STRADB: variants seen among roughly 807,000 people sequenced by gnomAD.
The protein encoded by STRADB is STE20 related adaptor beta.
STRADB carries 34 observed loss-of-function variants against 52.1 expected under a neutral mutation model. That is an observed-to-expected ratio of 0.65 (90% confidence interval 0.50 to 0.87). STRADB has a LOEUF of 0.87. Ranked by LOEUF, STRADB falls within the 40% of genes least tolerant of loss-of-function variation. The pLI, the probability that STRADB is intolerant of heterozygous loss-of-function variation, is 0.00. For synonymous variants in STRADB, 133 were observed against 174.5 expected, an observed-to-expected ratio of 0.76 and a Z score of 1.87; for missense variants, 340 against 483.9, an observed-to-expected ratio of 0.70 and a Z score of 2.79.
In STRADB at chr2:201,479,644, T is replaced by C. The variant is rs79830362; in HGVS notation, c.1113+113T>C. On this transcript the variant is annotated intron_variant, in intron 11 of 11. Transcript: ENST00000194530. ...TTACCAAGGTTCTTACTAATAACTTTGTTACAAAATAAAGTTAAAAACAAG... is the reference window on the plus strand; with the variant it reads ...TTACCAAGGTTCTTACTAATAACTTCGTTACAAAATAAAGTTAAAAACAAG... 6,938 of 1,053,240 alleles carry C rather than the reference T, an allele frequency of 6.6e-3. 312 individuals carry two copies. The African/African-American group carries it at 0.098, about 15-fold the overall frequency. The allele number at this position is 1,053,240 out of a possible 1,614,324, so 65.2% of individuals were successfully genotyped here.
rs745665190 is a variant in STRADB at position 201,480,127 on chromosome 2, G to C, written c.1209G>C (p.Glu403Asp). The C allele has an allele frequency of 2.5e-5, 41 of 1,613,692 alleles. No individual in the cohort carries two copies. The highest frequency in any genetic ancestry group is 3.4e-5 in the Non-Finnish European group (40 of 1,179,800). ...ISLPPVLPWT[E>D]PECDFPDEKD... ...TGCCTCCAGTGTTACCTTGGACTGA[G>C]CCAGAATGTGATTTTCCTGATGAAA... The change falls in exon 12 of 12, where the codon GAG (glutamate) becomes GAC (aspartate). Residue 403 changes from glutamate to aspartate, a missense_variant. Physicochemically the swap from Glu to Asp is conservative, Grantham distance 45. Transcript: ENST00000194530.
Position 201,474,704 on chromosome 2 carries a change from G to C in STRADB, c.373G>C (p.Val125Leu), listed in dbSNP as rs929889799. 1 of 1,611,824 alleles carries C rather than the reference G, an allele frequency of 6.2e-7. No individual in the cohort carries two copies. Among genetic ancestry groups the C allele is most frequent in the Non-Finnish European group, 8.5e-7 (1 of 1,179,364 alleles). ...RHPNITTYWT[V>L]FTVGSWLWVI... ...TCCCAATATTACAACTTATTGGACA[G>C]TTTTCACTGTTGGCAGCTGGCTTTG... is the stretch of plus-strand genomic sequence containing the variant. Residue 125 changes from valine to leucine, a missense_variant, in exon 6 of 12, where the codon GTT becomes CTT. Transcript: ENST00000194530.
At position 201,479,199 on chromosome 2, in the gene STRADB, C is replaced by T. The variant is rs148143777; in HGVS notation, c.1071-290C>T. On this transcript the variant is annotated intron_variant, in intron 10 of 11. Transcript: ENST00000194530. ...TTCTAGACATTAATTAGCACATTTA[C>T]GTTAAGACTCTAAGTAGTATAAAAT... 1.4e-3 allele frequency: 368 copies of T among 259,940 alleles called. 2 individuals are homozygous for T. The highest frequency in any genetic ancestry group is 7.5e-3 in the African/African-American group (332 of 44,268). The allele number at this position is 259,940 out of a possible 1,614,324, so 16.1% of individuals were successfully genotyped here.
At position 201,472,991 on chromosome 2, in the gene STRADB, C is replaced by T; in HGVS notation, c.230C>T (p.Ala77Val). ...GFDNLTSVHL[A>V]RHTPTGTLVT... is the part of the protein sequence containing the mutation. ...GACAACTTGACTTCTGTCCATCTTG[C>T]ACGGCATACTCCCACAGGAACACTG... is the stretch of plus-strand genomic sequence containing the variant. The change falls in exon 5 of 12, where the codon GCA becomes GTA. Residue 77 changes from alanine to valine, a missense_variant. Physicochemically the swap from Ala to Val is moderately conservative, Grantham distance 64. Transcript: ENST00000194530. 1.2e-6 allele frequency: 2 copies of T among 1,611,948 alleles called. No individual in the cohort carries two copies. The highest frequency in any genetic ancestry group is 8.5e-7 in the Non-Finnish European group (1 of 1,179,280).
At chr2:201,452,277 G>A (rs1952056546) in intron 1 of STRADB, among the ~76,000 whole-genome samples, 1 of 152,146 alleles carries the variant, frequency 6.6e-6, no homozygotes, top group Non-Finnish European at 1.5e-5. Flanking sequence ...ACCTTTGGCC[G>A]CGCTCTCGGG....
chr2:201,474,240 A>G (rs948073079), intron 5 of STRADB, among the ~76,000 whole-genome samples: 5 of 152,186 alleles, frequency 3.3e-5, no homozygotes, highest in African/African-American at 4.8e-5. Context: ...CAAACAAAAA[A>G]AGACTAGGAG....
intron 3 of STRADB, among the ~76,000 whole-genome samples, chr2:201,459,731 G>A (rs1323092815): frequency 6.6e-6 from 1 of 152,126 alleles, no homozygotes; most frequent in Non-Finnish European, 1.5e-5. Context: ...TGCTTGTATC[G>A]CTTTCCAGCT....
At chr2:201,479,621 A>G (rs1261416902) in intron 11 of STRADB, 90 bp downstream of exon 11, 1 of 1,330,482 alleles carries the variant, frequency 7.5e-7, no homozygotes, top group African/African-American at 1.5e-5. Flanking sequence ...TATTTTGGTT[A>G]CCAAGGTTCT....
chr2:201,468,085 C>CTTTTCTTTTT (rs1559465545), intron 3 of STRADB, among the ~76,000 whole-genome samples: 1 of 71,026 alleles, frequency 1.4e-5, no homozygotes, highest in Non-Finnish European at 2.9e-5. Context: ...TTTTTTTTTT[C>CTTTTCTTTTT]TTTTTTTTTT....
chr2:201,464,096 T>C (rs1952259740), intron 3 of STRADB, among the ~76,000 whole-genome samples: 2 of 152,190 alleles, frequency 1.3e-5, no homozygotes, highest in South Asian at 4.1e-4. Context: ...CTTACTTTGC[T>C]CATTTGGTGA....
At position 201,480,417 on chromosome 2, in the gene STRADB, A is replaced by AT. The variant is rs1952552652; in HGVS notation, c.*249dup. 4.9e-6 allele frequency: 6 copies of AT among 1,232,636 alleles called. No homozygotes were observed. Among genetic ancestry groups the AT allele is most frequent in the Admixed American group, 3.9e-5 (1 of 25,666 alleles). 76.4% of individuals were successfully genotyped at this position (1,232,636 alleles called of 1,614,324 possible). A position where few individuals can be genotyped will look rare whatever the true frequency, so the allele number is the denominator to read the frequency against. ...TCTAGCTAGTGTCATTTATTCTGGA[A>AT]TTTTTTTCTAAGCTGTGACTAACTC... On this transcript the variant is annotated 3_prime_UTR_variant, in exon 12 of 12. Transcript: ENST00000194530.
intron 3 of STRADB, among the ~76,000 whole-genome samples, chr2:201,465,761 G>C (rs1285561863): frequency 6.6e-6 from 1 of 152,210 alleles, no homozygotes; most frequent in Non-Finnish European, 1.5e-5. Flanking sequence ...GGCAGACAAG[G>C]CTTGCTGGAA....
rs1427927007 is a variant in STRADB, at chr2:201,477,676, C to T, written c.606C>T (p.Gly202=). The part of the protein sequence containing the change: ...ISGDGLVTLS[G]LSHLHSLVKH... ...GTGATGGCCTAGTGACCCTCTCTGGCCTGTCCCATCTGCATAGTTTGGTTA... is the reference window on the plus strand; with the variant it reads ...GTGATGGCCTAGTGACCCTCTCTGGTCTGTCCCATCTGCATAGTTTGGTTA... The change falls in exon 8 of 12, where the codon GGC becomes GGT. Residue 202 remains glycine (G), a synonymous_variant. Coordinates refer to ENST00000194530, the MANE Select transcript of STRADB (RefSeq NM_018571.6). The T allele has an allele frequency of 1.9e-6, 3 of 1,612,706 alleles. No homozygotes were observed. The highest frequency in any genetic ancestry group is 4.5e-5 in the East Asian group (2 of 44,812).
chr2:201,455,311 A>C (rs1396548675), intron 2 of STRADB, among the ~76,000 whole-genome samples: 3 of 152,176 alleles, frequency 2.0e-5, no homozygotes, highest in Non-Finnish European at 4.4e-5. Context: ...TTATATTTAG[A>C]TCCGTGGTAT....
rs1191652425 is a variant in STRADB, at chr2:201,473,023, A to C, written c.262A>C (p.Ile88Leu). Residue 88 changes from isoleucine to leucine, a missense_variant, in exon 5 of 12, where the codon ATA becomes CTA. By Grantham distance (5) the Ile-to-Leu change is conservative. Transcript: ENST00000194530. ...TACTCCCACAGGAACACTGGTAACT[A>C]TAAAAATTACAAATCTGGAAAACTG... is the stretch of plus-strand genomic sequence containing the variant. ...RHTPTGTLVTIKITNLENCNE... is the reference protein window; with the variant it reads ...RHTPTGTLVTLKITNLENCNE... The C allele has an allele frequency of 6.2e-7, 1 of 1,613,036 alleles. No individual in the cohort carries two copies.
intron 3 of STRADB, among the ~76,000 whole-genome samples, chr2:201,464,613 A>T (rs1311063229): frequency 1.3e-5 from 2 of 152,180 alleles, no homozygotes; most frequent in Non-Finnish European, 1.5e-5. Flanking sequence ...TCACTCAAGG[A>T]TACCAAGGGC....
intron 3 of STRADB, among the ~76,000 whole-genome samples, chr2:201,465,230 G>C (rs936911491): frequency 6.6e-6 from 1 of 152,238 alleles, no homozygotes; most frequent in African/African-American, 2.4e-5. Context: ...GCATGGCCCT[G>C]AGTTTCACCC....
At chr2:201,466,711 A>G (rs565153504) in intron 3 of STRADB, among the ~76,000 whole-genome samples, 2 of 152,282 alleles carry the variant, frequency 1.3e-5, no homozygotes, top group South Asian at 2.1e-4. Context: ...AACCTTTGCA[A>G]ATGAAAGGCT....
Position 201,472,946 on chromosome 2 carries a change from T to G in STRADB, c.194-9T>G. ...TGGTTACTAACATGAGTTTTATGTC[T>G]GATTACAGGAAGAGGATTTGACAAC... On this transcript the variant is annotated splice_polypyrimidine_tract_variant and intron_variant, in intron 4 of 11. Coordinates refer to ENST00000194530, the MANE Select transcript of STRADB (RefSeq NM_018571.6). 6.3e-7 allele frequency: 1 copy of G among 1,593,048 alleles called. No homozygotes were observed. The highest frequency in any genetic ancestry group is 1.2e-5 in the South Asian group (1 of 86,126).
Sources: allele counts gnomAD v4.1 joint callset (sites outside exome capture counted in the v4.1 genomes callset), GRCh38; gene constraint gnomAD v4.1.1; transcripts MANE v1.5; gene names NCBI Gene and HGNC (gene_info 2026-07-23, HGNC 2026-07-21).